Variants in OR2T33 observed in about 807,000 individuals in gnomAD.
OR2T33 encodes the protein olfactory receptor 2T33.
OR2T33 carries 10 observed loss-of-function variants against 14.0 expected under a neutral mutation model. The ratio of observed to expected loss-of-function variants is 0.72; its 90% confidence interval spans 0.44 to 1.22. The LOEUF is 1.22. Ranked by LOEUF, OR2T33 falls within the 50% of genes most tolerant of loss-of-function variation. The pLI, the probability that OR2T33 is intolerant of heterozygous loss-of-function variation, is 0.00. For missense variants in OR2T33, 276 were observed against 405.9 expected, an observed-to-expected ratio of 0.68 and a Z score of 2.75; for synonymous variants, 103 against 159.4, an observed-to-expected ratio of 0.65 and a Z score of 2.66.
chr1:248,272,230 A>G lies in OR2T33; in HGVS notation c.*622T>C, dbSNP rs1659381045. 1 of 152,218 alleles carries G rather than the reference A, an allele frequency of 6.6e-6. No homozygotes were observed. The highest frequency in any genetic ancestry group is 2.4e-5 in the African/African-American group (1 of 41,456). The allele number at this position is 152,218 out of a possible 1,614,324, so 9.4% of individuals were successfully genotyped here. On this transcript the variant is annotated 3_prime_UTR_variant, in exon 2 of 2. Coordinates refer to ENST00000641220, the MANE Select transcript of OR2T33 (RefSeq NM_001004695.2). ...AGGCCCTGGAAAAAAAAATACTTAA[A>G]TGAAAGGTTACATAAATTAAAAAAG...
rs1659417523 is a variant in OR2T33, at chr1:248,273,823, C to T, written c.-8-1G>A. 2 of 1,601,958 alleles carry T rather than the reference C, an allele frequency of 1.2e-6. No individual in the cohort carries two copies. Among genetic ancestry groups the T allele is most frequent in the Non-Finnish European group, 1.7e-6 (2 of 1,172,644 alleles). On this transcript the variant is annotated splice_acceptor_variant, in intron 1 of 1. Transcript: ENST00000641220. LOFTEE classifies it low-confidence loss of function (5UTR_SPLICE). ...GTATTTCTCATCTCCATAATTTCCC[C>T]TGGTGTGATGGTGCAAATGGAAAAA...
At chr1:248,276,325 T>C (rs756139883) in intron 1 of OR2T33, among the ~76,000 whole-genome samples, 1 of 152,182 alleles carries the variant, frequency 6.6e-6, no homozygotes, top group Non-Finnish European at 1.5e-5. Flanking sequence ...TTTTTGCATA[T>C]AACAGAGTTT....
Position 248,272,914 on chromosome 1 carries a change from G to A in OR2T33, c.901C>T (p.Arg301Trp). 1.9e-6 allele frequency: 3 copies of A among 1,613,936 alleles called. No homozygotes were observed. The highest frequency in any genetic ancestry group is 2.2e-5 in the East Asian group (1 of 44,880). ...KNSEVKGALKRWLGTCVNIKH... is the reference protein window; with the variant it reads ...KNSEVKGALKWWLGTCVNIKH... ...ATGTTTACACACGTCCCCAGCCACCGTTTCAGGGCTCCCTTCACCTCACTG... is the reference window on the plus strand; with the variant it reads ...ATGTTTACACACGTCCCCAGCCACCATTTCAGGGCTCCCTTCACCTCACTG... Residue 301 changes from arginine to tryptophan, a missense_variant, in exon 2 of 2, where the codon CGG becomes TGG. Arg to Trp is a moderately radical substitution (Grantham distance 101). Transcript: ENST00000641220.
At chr1:248,276,122 T>C (rs1276682864) in intron 1 of OR2T33, among the ~76,000 whole-genome samples, 1 of 152,044 alleles carries the variant, frequency 6.6e-6, no homozygotes, top group Non-Finnish European at 1.5e-5. Flanking sequence ...GTGATATAGA[T>C]CCCTCACACG....
rs1659416238 is a variant in OR2T33 at position 248,273,753 on chromosome 1, G to T, written c.62C>A (p.Ala21Asp). ...ILLGLFNHTR[A>D]HQVLFMMVLS... ...AACCATCATGAAGAGGACTTGGTGG[G>T]CTCTGGTGTGGTTAAAGAGTCCTAG... Residue 21 changes from alanine (A) to aspartate (D), a missense_variant, in exon 2 of 2, where the codon GCC becomes GAC. Coordinates refer to ENST00000641220, the MANE Select transcript of OR2T33 (RefSeq NM_001004695.2). 6.2e-7 allele frequency: 1 copy of T among 1,613,798 alleles called. No homozygotes were observed. Among genetic ancestry groups the T allele is most frequent in the East Asian group, 2.2e-5 (1 of 44,872 alleles).
Position 248,272,739 on chromosome 1 carries a change from C to G in OR2T33, c.*113G>C. 1 of 1,339,112 alleles carries G rather than the reference C, an allele frequency of 7.5e-7. No individual in the cohort carries two copies. The highest frequency in any genetic ancestry group is 1.0e-6 in the Non-Finnish European group (1 of 976,870). The allele number at this position is 1,339,112 out of a possible 1,614,324, so 83.0% of individuals were successfully genotyped here. On this transcript the variant is annotated 3_prime_UTR_variant, in exon 2 of 2. Transcript: ENST00000641220. ...AGCTCACTTAATTCTTAAAAATATC[C>G]TATTATATCAATGCAAAAACTTAAT...
chr1:248,275,735 CA>C lies in OR2T33; in HGVS notation c.-8-1914del, dbSNP rs71782093. On this transcript the variant is annotated intron_variant, in intron 1 of 1. Coordinates refer to ENST00000641220, the MANE Select transcript of OR2T33 (RefSeq NM_001004695.2). ...TAAAATAGAGTGTGCAGAGAAGCAC[CA>C]AAAAAAAAAAAATCACCTGTGTCTA... is the stretch of plus-strand genomic sequence containing the variant. Among the ~76,000 whole-genome samples, 510 of 146,252 alleles carry C rather than the reference CA, an allele frequency of 3.5e-3. 1 individual carries two copies. The highest frequency in any genetic ancestry group is 5.4e-3 in the Admixed American group (80 of 14,776).
Position 248,273,046 on chromosome 1 carries a change from A to G in OR2T33, c.769T>C (p.Tyr257His), listed in dbSNP as rs766197451. The change falls in exon 2 of 2, where the codon TAT becomes CAT. Residue 257 changes from tyrosine (Y) to histidine (H), a missense_variant. By Grantham distance (83) the Tyr-to-His change is moderately conservative. Coordinates refer to ENST00000641220, the MANE Select transcript of OR2T33 (RefSeq NM_001004695.2). ...GACCTATGGGATTTGGGTCTCATAT[A>G]GGTAAAAATGGCAGCTCCATAAAAG... ...GLFYGAAIFT[Y>H]MRPKSHRSTN... The G allele has an allele frequency of 1.2e-6, 2 of 1,613,812 alleles. No homozygotes were observed. The highest frequency in any genetic ancestry group is 3.3e-5 in the Admixed American group (2 of 59,998).
Position 248,270,489 on chromosome 1 carries a change from C to G in OR2T33, c.*2363G>C, listed in dbSNP as rs990533276. 1 of 152,076 alleles carries G rather than the reference C, an allele frequency of 6.6e-6. No individual in the cohort carries two copies. The highest frequency in any genetic ancestry group is 1.5e-5 in the Non-Finnish European group (1 of 68,016). The allele number at this position is 152,076 out of a possible 1,614,324, so 9.4% of individuals were successfully genotyped here. A position where few individuals can be genotyped will look rare whatever the true frequency, so the allele number is the denominator to read the frequency against. On this transcript the variant is annotated 3_prime_UTR_variant, in exon 2 of 2. Coordinates refer to ENST00000641220, the MANE Select transcript of OR2T33 (RefSeq NM_001004695.2). Reference sequence around the variant, plus strand: ...TTATGATTCCGTTTACATAAAATATCTACAGTAGATAAATCCAGAGAGACC... The same window carrying G: ...TTATGATTCCGTTTACATAAAATATGTACAGTAGATAAATCCAGAGAGACC...
chr1:248,276,238 C>T (rs1259732464), intron 1 of OR2T33, among the ~76,000 whole-genome samples: 9 of 152,162 alleles, frequency 5.9e-5, no homozygotes, highest in African/African-American at 1.9e-4. Flanking sequence ...CGCTCACCTC[C>T]TATGCAGCCC....
Position 248,271,155 on chromosome 1 carries a change from T to C in OR2T33, c.*1697A>G, listed in dbSNP as rs1169160304. The C allele has an allele frequency of 6.6e-6, 1 of 152,198 alleles. No individual in the cohort carries two copies. Among genetic ancestry groups the C allele is most frequent in the Non-Finnish European group, 1.5e-5 (1 of 68,026 alleles). The allele number at this position is 152,198 out of a possible 1,614,324, so 9.4% of individuals were successfully genotyped here. On this transcript the variant is annotated 3_prime_UTR_variant, in exon 2 of 2. Transcript: ENST00000641220. ...CTAGTTGTTTTAGTTTTCTCCTGTATATTAGGCTTAATTTTCTGGTTAGAA... is the reference window on the plus strand; with the variant it reads ...CTAGTTGTTTTAGTTTTCTCCTGTACATTAGGCTTAATTTTCTGGTTAGAA...
At chr1:248,274,870 C>T (rs77618010) in intron 1 of OR2T33, among the ~76,000 whole-genome samples, 1 of 152,014 alleles carries the variant, frequency 6.6e-6, no homozygotes, top group African/African-American at 2.4e-5. Context: ...TTAACAAAAT[C>T]GATTTATTTT....
intron 1 of OR2T33, among the ~76,000 whole-genome samples, chr1:248,274,146 G>T (rs989012282): frequency 6.6e-6 from 1 of 152,052 alleles, no homozygotes; most frequent in Admixed American, 6.6e-5. Flanking sequence ...ATATTATTGT[G>T]TTTTTGTTAT....
chr1:248,276,511 G>A (rs932397934), intron 1 of OR2T33, among the ~76,000 whole-genome samples: 2 of 152,080 alleles, frequency 1.3e-5, no homozygotes. Flanking sequence ...ACATGATGGT[G>A]AAAGTCTAAG....
intron 1 of OR2T33, among the ~76,000 whole-genome samples, chr1:248,276,110 A>G (rs77046756): frequency 0.021 from 3,163 of 152,176 alleles, 100 homozygotes; most frequent in African/African-American, 0.072. Context: ...CATAAAAAGC[A>G]TGTGATATAG....
At position 248,273,202 on chromosome 1, in the gene OR2T33, G is replaced by A. The variant is rs1659399429; in HGVS notation, c.613C>T (p.Leu205Phe). 7.5e-6 allele frequency: 12 copies of A among 1,608,848 alleles called. No individual in the cohort carries two copies. The highest frequency in any genetic ancestry group is 9.3e-6 in the Non-Finnish European group (11 of 1,177,808). Reference sequence around the variant, plus strand: ...AGGATGAGGGAAAAGGGGACCAGGAGCATTAACACACAGCAGATGTACATG... The same window carrying A: ...AGGATGAGGGAAAAGGGGACCAGGAACATTAACACACAGCAGATGTACATG... Reference protein sequence around the residue: ...NAMYICCVLMLLVPFSLILSS... With the variant: ...NAMYICCVLMFLVPFSLILSS... The change falls in exon 2 of 2, where the codon CTC becomes TTC. Residue 205 changes from leucine to phenylalanine, a missense_variant. Coordinates refer to ENST00000641220, the MANE Select transcript of OR2T33 (RefSeq NM_001004695.2).
Position 248,276,034 on chromosome 1 carries a change from G to A in OR2T33, c.-9+1731C>T, listed in dbSNP as rs141321117. Among the ~76,000 whole-genome samples the A allele has an allele frequency of 2.6e-4, 40 of 152,246 alleles. No individual in the cohort carries two copies. In the East Asian group the frequency reaches 7.3e-3, roughly 28 times the overall value. On this transcript the variant is annotated intron_variant, in intron 1 of 1. Transcript: ENST00000641220. ...TCCCCAACATTTTCCACAGATGGGG[G>A]TTGTAGGAGAGGGGATGGTTTCGGG...
chr1:248,274,089 T>C (rs1429826090), intron 1 of OR2T33, among the ~76,000 whole-genome samples: 1 of 152,166 alleles, frequency 6.6e-6, no homozygotes, highest in Admixed American at 6.5e-5. Context: ...TTTTCAACTC[T>C]CAAGAATTAG....
intron 1 of OR2T33, among the ~76,000 whole-genome samples, chr1:248,277,175 A>G (rs953900513): frequency 2.6e-5 from 4 of 151,156 alleles, no homozygotes; most frequent in Non-Finnish European, 5.9e-5. Context: ...ATTTACTTCT[A>G]TTTGTCTTTC....
Sources: gnomAD v4.1 joint callset for allele counts (sites outside exome capture counted in the v4.1 genomes callset) on GRCh38, gnomAD v4.1.1 for gene constraint, MANE v1.5 for transcripts, NCBI Gene and HGNC (gene_info 2026-07-23, HGNC 2026-07-21) for gene names.